Variants in ASXL2 observed in about 807,000 individuals in gnomAD.
The protein encoded by ASXL2 is ASXL transcriptional regulator 2.
ASXL2 carries 23 observed loss-of-function variants against 122.0 expected under a neutral mutation model. That is an observed-to-expected ratio of 0.19 (90% CI 0.14 to 0.27). ASXL2 has a LOEUF of 0.27. ASXL2 is among the 10% of genes least tolerant of loss of function. The pLI is 1.00. For synonymous variants in ASXL2, 650 were observed against 637.0 expected (o/e 1.02, Z -0.31); for missense variants, 1,518 against 1,713.8 (o/e 0.89, Z 2.02).
chr2:25,767,404 C>T (rs372774311), intron 8 of ASXL2, among the ~76,000 whole-genome samples, 179 bp downstream of exon 8: 2 of 152,192 alleles, frequency 1.3e-5, no homozygotes, highest in African/African-American at 2.4e-5. Context: ...CAATTCCGTT[C>T]CTGTTACTTT....
At chr2:25,761,225 C>A (rs1402152550) in intron 8 of ASXL2, among the ~76,000 whole-genome samples, 1 of 152,158 alleles carries the variant, frequency 6.6e-6, no homozygotes, top group Non-Finnish European at 1.5e-5. Context: ...TTTGCAGCAA[C>A]TGATGAAAAC....
At chr2:25,757,256 T>C (rs189055730) in intron 9 of ASXL2, among the ~76,000 whole-genome samples, 90 of 152,150 alleles carry the variant, frequency 5.9e-4, no homozygotes, top group Non-Finnish European at 1.1e-3. Flanking sequence ...AAATTCTATA[T>C]TCTCTACACA....
intron 10 of ASXL2, among the ~76,000 whole-genome samples, chr2:25,753,854 A>T (rs762409073): frequency 6.6e-6 from 1 of 152,202 alleles, no homozygotes; most frequent in Non-Finnish European, 1.5e-5. Flanking sequence ...TTCAGTACTC[A>T]GCTGAGGCTG....
intron 3 of ASXL2, among the ~76,000 whole-genome samples, chr2:25,821,868 C>T (rs1043305761): frequency 2.0e-5 from 3 of 152,204 alleles, no homozygotes; most frequent in Non-Finnish European, 2.9e-5. Context: ...TGGACCTGCA[C>T]TATGATGGAC....
At chr2:25,790,153 G>A (rs1042361065) in intron 5 of ASXL2, among the ~76,000 whole-genome samples, 2 of 152,072 alleles carry the variant, frequency 1.3e-5, no homozygotes, top group African/African-American at 2.4e-5. Context: ...TCTGTGACAA[G>A]ATAAGCATGA....
chr2:25,848,506 C>T (rs1286007902), intron 1 of ASXL2, among the ~76,000 whole-genome samples: 1 of 151,978 alleles, frequency 6.6e-6, no homozygotes, highest in African/African-American at 2.4e-5. Context: ...GCCTGTAGTC[C>T]CTGCTACTTG....
intron 9 of ASXL2, among the ~76,000 whole-genome samples, chr2:25,756,455 AAAAAAAAAAG>A (rs1270031423): frequency 7.3e-6 from 1 of 136,900 alleles, no homozygotes; most frequent in African/African-American, 2.8e-5. Context: ...GATAATGACA[AAAAAAAAAAG>A]AAAAAAAAAA....
At chr2:25,841,802 C>T (rs1050557733) in intron 2 of ASXL2, among the ~76,000 whole-genome samples, 9 of 152,066 alleles carry the variant, frequency 5.9e-5, no homozygotes, top group Non-Finnish European at 8.8e-5. Flanking sequence ...AAAAAATTAG[C>T]CAGGTGTGGT....
intron 1 of ASXL2, among the ~76,000 whole-genome samples, chr2:25,862,230 C>A (rs1323623996): frequency 1.3e-5 from 2 of 152,046 alleles, no homozygotes; most frequent in African/African-American, 2.4e-5. Flanking sequence ...GGAGGGCTAA[C>A]AAAATGTTTG....
intron 3 of ASXL2, among the ~76,000 whole-genome samples, chr2:25,812,213 C>A (rs893901659): frequency 1.3e-5 from 2 of 149,674 alleles, no homozygotes; most frequent in African/African-American, 2.5e-5. Context: ...AATCCCAGCA[C>A]TTTGGGAGCC....
chr2:25,863,601 G>A (rs764988857), intron 1 of ASXL2, among the ~76,000 whole-genome samples: 10 of 151,604 alleles, frequency 6.6e-5, no homozygotes, highest in Non-Finnish European at 1.2e-4. Context: ...GCTAAGGCAG[G>A]AGAATGGCCT....
chr2:25,815,310 A>G (rs976817925), intron 3 of ASXL2, among the ~76,000 whole-genome samples: 3 of 151,786 alleles, frequency 2.0e-5, no homozygotes, highest in Admixed American at 6.6e-5. Context: ...CTGCCAGCCT[A>G]CTCTACCTTT....
At position 25,749,680 on chromosome 2, in the gene ASXL2, C is replaced by G; in HGVS notation, c.1860+16G>C. The stretch of plus-strand genomic sequence containing the variant: ...TCAGACGATCTCTGCTTTTCTAATT[C>G]TCTCCATTCTCTTACCTTGAGAGGT... On this transcript the variant is annotated intron_variant, in intron 12 of 12. Coordinates refer to ENST00000435504, the MANE Select transcript of ASXL2 (RefSeq NM_018263.6). 1 of 1,493,192 alleles carries G rather than the reference C, an allele frequency of 6.7e-7. No homozygotes were observed. 92.5% of individuals were successfully genotyped at this position (1,493,192 alleles called of 1,614,324 possible).
chr2:25,828,839 A>AAAC (rs1553703402), intron 3 of ASXL2, among the ~76,000 whole-genome samples: 1 of 151,294 alleles, frequency 6.6e-6, no homozygotes, highest in Non-Finnish European at 1.5e-5. Context: ...AAAAAAAAAA[A>AAAC]AAAAAAAAAC....
At chr2:25,850,178 G>A (rs2089699131) in intron 1 of ASXL2, among the ~76,000 whole-genome samples, 2 of 139,476 alleles carry the variant, frequency 1.4e-5, no homozygotes, top group South Asian at 4.5e-4. Flanking sequence ...TGAAAACAAG[G>A]ACTTAAATTT....
intron 5 of ASXL2, among the ~76,000 whole-genome samples, chr2:25,797,642 C>G (rs933043078): frequency 6.6e-6 from 1 of 152,092 alleles, no homozygotes; most frequent in Non-Finnish European, 1.5e-5. Context: ...AAAAGGTGCT[C>G]CACAACATAT....
chr2:25,814,365 G>A (rs1214161645), intron 3 of ASXL2, among the ~76,000 whole-genome samples: 1 of 152,184 alleles, frequency 6.6e-6, no homozygotes, highest in Admixed American at 6.5e-5. Flanking sequence ...AAAAGTGAAC[G>A]ACTTGAAGAA....
chr2:25,787,997 A>G (rs1461700442), intron 5 of ASXL2, among the ~76,000 whole-genome samples: 1 of 152,180 alleles, frequency 6.6e-6, no homozygotes. Context: ...AGTAATTAAA[A>G]CAGGGTGGTA....
At chr2:25,868,067 T>A (rs1312669789) in intron 1 of ASXL2, among the ~76,000 whole-genome samples, 2 of 152,226 alleles carry the variant, frequency 1.3e-5, no homozygotes, top group Admixed American at 6.5e-5. Context: ...GGATTGTGGG[T>A]ACAGGTTAGC....
Sources: gnomAD v4.1 joint callset for allele counts (sites outside exome capture counted in the v4.1 genomes callset) on GRCh38, gnomAD v4.1.1 for gene constraint, MANE v1.5 for transcripts, NCBI Gene and HGNC (gene_info 2026-07-23, HGNC 2026-07-21) for gene names.